Variants in CSMD1 observed in about 807,000 individuals in gnomAD.
The protein encoded by CSMD1 is CUB and Sushi multiple domains 1.
Under a neutral mutation model 417.5 loss-of-function variants are expected in CSMD1, and 213 were observed. That is an observed-to-expected ratio of 0.51 (90% confidence interval 0.46 to 0.57). The LOEUF is 0.57. CSMD1 is among the 20% of genes least tolerant of loss of function. The probability of loss-of-function intolerance (pLI) is 0.00; values close to 1 mark genes in which losing one functional copy is unlikely to be tolerated. For synonymous variants in CSMD1, 2,862 were observed against 1,736.8 expected, an observed-to-expected ratio of 1.65 and a Z score of -16.11; for missense variants, 6,923 against 4,529.7, an observed-to-expected ratio of 1.53 and a Z score of -15.17.
At chr8:3,326,041 C>T (rs918095446) in intron 23 of CSMD1, among the ~76,000 whole-genome samples, 5 of 152,158 alleles carry the variant, frequency 3.3e-5, no homozygotes, top group East Asian at 1.9e-4. Context: ...GGCATGACAG[C>T]GGTCACCCGG....
intron 29 of CSMD1, among the ~76,000 whole-genome samples, chr8:3,216,435 A>T (rs929987661): frequency 2.6e-5 from 4 of 152,182 alleles, no homozygotes; most frequent in Non-Finnish European, 1.5e-5. Flanking sequence ...GTACACATCT[A>T]TTAATGTATG....
At chr8:3,856,318 G>C (rs1414530656) in intron 5 of CSMD1, among the ~76,000 whole-genome samples, 2 of 152,066 alleles carry the variant, frequency 1.3e-5, no homozygotes, top group Non-Finnish European at 2.9e-5. Context: ...TAAGTTTCTT[G>C]AGGCTGCCCC....
At chr8:3,206,842 C>A (rs1032824967) in intron 30 of CSMD1, among the ~76,000 whole-genome samples, 1 of 152,114 alleles carries the variant, frequency 6.6e-6, no homozygotes, top group African/African-American at 2.4e-5. Flanking sequence ...GAAGAGACCT[C>A]CAATTAAATC....
At chr8:4,370,073 G>C (rs532160949) in intron 3 of CSMD1, among the ~76,000 whole-genome samples, 35 of 152,188 alleles carry the variant, frequency 2.3e-4, no homozygotes, top group African/African-American at 8.4e-4. Flanking sequence ...GTGTTTTTCG[G>C]TGGTAGTCAT....
chr8:4,517,452 G>A (rs1375605160), intron 2 of CSMD1, among the ~76,000 whole-genome samples: 2 of 152,190 alleles, frequency 1.3e-5, no homozygotes, highest in East Asian at 3.8e-4. Flanking sequence ...TCACAGAGAT[G>A]TGATCATTCA....
intron 2 of CSMD1, among the ~76,000 whole-genome samples, chr8:4,618,458 G>A (rs773179673): frequency 3.3e-5 from 5 of 152,006 alleles, no homozygotes; most frequent in South Asian, 2.1e-4. Flanking sequence ...AGGGACCTAA[G>A]GCCTATTTTA....
chr8:4,124,155 G>C (rs970841648), intron 3 of CSMD1, among the ~76,000 whole-genome samples: 6 of 152,120 alleles, frequency 3.9e-5, no homozygotes, highest in African/African-American at 1.2e-4. Flanking sequence ...TCCTAAAACA[G>C]TCTGCGGAGG....
At chr8:3,047,670 T>A (rs1811549538) in intron 50 of CSMD1, among the ~76,000 whole-genome samples, 1 of 152,232 alleles carries the variant, frequency 6.6e-6, no homozygotes, top group Non-Finnish European at 1.5e-5. Context: ...AACCAACGAC[T>A]TAAAACCTAC....
rs190568432 is a variant in CSMD1 at position 3,380,288 on chromosome 8, G to T, written c.2782+7206C>A. 7.9e-5 allele frequency among the ~76,000 whole-genome samples: 12 copies of T among 152,310 alleles called. No individual in the cohort carries two copies. In the East Asian group the frequency reaches 2.3e-3, roughly 29 times the overall value. Reference sequence around the variant, plus strand: ...AAACAGGAACACTTTTACACTGTTGGTGGGAGTGTAAATTAGTTCAACCAT... The same window carrying T: ...AAACAGGAACACTTTTACACTGTTGTTGGGAGTGTAAATTAGTTCAACCAT... On this transcript the variant is annotated intron_variant, in intron 18 of 69. Transcript: ENST00000635120.
intron 5 of CSMD1, among the ~76,000 whole-genome samples, chr8:3,920,666 T>C: frequency 6.6e-6 from 1 of 152,166 alleles, no homozygotes; most frequent in Non-Finnish European, 1.5e-5. Flanking sequence ...ACATAATTTG[T>C]TGAGAGCTTT....
chr8:3,501,004 TTTGA>T (rs1334392667), intron 10 of CSMD1, among the ~76,000 whole-genome samples: 9 of 152,198 alleles, frequency 5.9e-5, no homozygotes, highest in African/African-American at 2.2e-4. Context: ...TTGTTGCTAC[TTTGA>T]TTCAAATAAT....
intron 10 of CSMD1, among the ~76,000 whole-genome samples, chr8:3,538,055 C>G (rs983320373): frequency 3.9e-5 from 6 of 152,186 alleles, no homozygotes; most frequent in African/African-American, 1.2e-4. Flanking sequence ...TGTGCAGAAC[C>G]TGATGGTCAA....
chr8:3,730,866 G>A lies in CSMD1; in HGVS notation c.932-22375C>T, dbSNP rs542727535. ...TAGGAAATTATGCTAGAGGTGATAA[G>A]AGAGAGTGCTTTTAGCCACTATAAT... On this transcript the variant is annotated intron_variant, in intron 6 of 69. Transcript: ENST00000635120. Among the ~76,000 whole-genome samples the A allele has an allele frequency of 2.1e-3, 321 of 152,296 alleles. 2 individuals are homozygous for A. The highest frequency in any genetic ancestry group is 7.4e-3 in the African/African-American group (307 of 41,568).
chr8:3,882,485 A>T (rs965005493), intron 5 of CSMD1, among the ~76,000 whole-genome samples: 28 of 152,194 alleles, frequency 1.8e-4, no homozygotes, highest in African/African-American at 6.8e-4. Context: ...TTATTTTGCA[A>T]AACTATTAGA....
At chr8:3,890,951 ACTCT>A (rs1341941001) in intron 5 of CSMD1, among the ~76,000 whole-genome samples, 2 of 152,084 alleles carry the variant, frequency 1.3e-5, no homozygotes, top group East Asian at 1.9e-4. Context: ...CTCTCATACG[ACTCT>A]CTCAATAACC....
At chr8:4,278,648 A>G (rs955420462) in intron 3 of CSMD1, among the ~76,000 whole-genome samples, 2 of 152,234 alleles carry the variant, frequency 1.3e-5, no homozygotes. Flanking sequence ...TTCAACATAA[A>G]GTGTAGCTTT....
At chr8:3,156,592 G>T (rs1819550331) in intron 39 of CSMD1, among the ~76,000 whole-genome samples, 1 of 151,890 alleles carries the variant, frequency 6.6e-6, no homozygotes, top group African/African-American at 2.4e-5. Flanking sequence ...ATTGAGGAGG[G>T]GACACTCTCT....
intron 10 of CSMD1, among the ~76,000 whole-genome samples, chr8:3,538,402 T>C (rs1563133841): frequency 2.0e-5 from 3 of 152,016 alleles, no homozygotes; most frequent in East Asian, 1.9e-4. Flanking sequence ...GCACCTGAGA[T>C]GCCTCACCTA....
chr8:4,869,786 G>C (rs899848631), intron 1 of CSMD1, among the ~76,000 whole-genome samples: 1 of 151,850 alleles, frequency 6.6e-6, no homozygotes, highest in Admixed American at 6.6e-5. Context: ...TTACACATCT[G>C]TTTCTTTATT....
Sources: allele counts gnomAD v4.1 joint callset (sites outside exome capture counted in the v4.1 genomes callset), GRCh38; gene constraint gnomAD v4.1.1; transcripts MANE v1.5; gene names NCBI Gene and HGNC (gene_info 2026-07-23, HGNC 2026-07-21).